Variants in HMCN1 observed in about 807,000 individuals in gnomAD.
HMCN1 encodes the protein hemicentin-1.
In HMCN1, 321 loss-of-function variants were observed where a neutral mutation model predicts 625.9. That is an observed-to-expected ratio of 0.51 (90% CI 0.47 to 0.56). HMCN1 has a LOEUF of 0.56. Ranked by LOEUF, HMCN1 falls within the 20% of genes least tolerant of loss-of-function variation. The pLI is 0.00. For synonymous variants in HMCN1, 2,425 were observed against 2,417.6 expected, an observed-to-expected ratio of 1.00 and a Z score of -0.09; for missense variants, 6,588 against 6,887.3, an observed-to-expected ratio of 0.96 and a Z score of 1.54.
At chr1:186,088,355 A>G (rs1659647334) in intron 62 of HMCN1, 79 bp downstream of exon 62, 3 of 1,601,392 alleles carry the variant, frequency 1.9e-6, no homozygotes, top group African/African-American at 2.7e-5. Context: ...AAACTAGCAC[A>G]TTTTAAGTAC....
Position 186,182,296 on chromosome 1 carries a change from A to G in HMCN1, c.16414+9A>G. ...TGGAAAGACATGCCAAGGTGAGAAAACATTGGGATGTTTATTGTTGCAAAC... is the reference window on the plus strand; with the variant it reads ...TGGAAAGACATGCCAAGGTGAGAAAGCATTGGGATGTTTATTGTTGCAAAC... On this transcript the variant is annotated intron_variant, in intron 105 of 106. Coordinates refer to ENST00000271588, the MANE Select transcript of HMCN1 (RefSeq NM_031935.3). The G allele has an allele frequency of 1.9e-6, 3 of 1,613,162 alleles. No homozygotes were observed. The highest frequency in any genetic ancestry group is 1.7e-6 in the Non-Finnish European group (2 of 1,179,276).
chr1:186,180,668 C>T (rs1652877277), intron 104 of HMCN1, among the ~76,000 whole-genome samples: 1 of 152,196 alleles, frequency 6.6e-6, no homozygotes, highest in South Asian at 2.1e-4. Context: ...CTTCCTCAGA[C>T]AGTCATCTGC....
At chr1:185,951,487 C>T (rs755630214) in intron 11 of HMCN1, among the ~76,000 whole-genome samples, 2,117 of 144,582 alleles carry the variant, frequency 0.015, 3 homozygotes, top group African/African-American at 0.051. Context: ...TTAACTTCCA[C>T]TGTGAGAGTT....
rs780304788 is a variant in HMCN1, at chr1:186,061,306, G to T, written c.7313-545G>T. On this transcript the variant is annotated intron_variant, in intron 46 of 106. Transcript: ENST00000271588. ...GCACCTTCTTCACAAGGCGGCAGAA[G>T]AGAGAGTATGTGAAGGAAGACCTGT... 1.5e-4 allele frequency among the ~76,000 whole-genome samples: 23 copies of T among 152,274 alleles called. 1 individual carries two copies. The highest frequency in any genetic ancestry group is 3.4e-3 in the Middle Eastern group (1 of 294).
Position 186,177,035 on chromosome 1 carries a change from T to G in HMCN1, c.15944-1381T>G, listed in dbSNP as rs1191028268. The G allele has an allele frequency of 2.6e-4, 37 of 145,080 alleles. 1 individual carries two copies. Among genetic ancestry groups the G allele is most frequent in the East Asian group, 1.2e-3 (6 of 5,056 alleles). The allele number at this position is 145,080 out of a possible 1,614,324, so 9.0% of individuals were successfully genotyped here. Reference sequence around the variant, plus strand: ...TACAAAAAAGATTAGCTGGGCGTGGTGGGACACACCTGTAATCCCAGCACT... The same window carrying G: ...TACAAAAAAGATTAGCTGGGCGTGGGGGGACACACCTGTAATCCCAGCACT... On this transcript the variant is annotated intron_variant, in intron 103 of 106. Transcript: ENST00000271588.
In HMCN1 at chr1:185,779,823, A is replaced by G. The variant is rs1276945092; in HGVS notation, c.268+44776A>G. On this transcript the variant is annotated intron_variant, in intron 1 of 106. Transcript: ENST00000271588. ...TCTTTTGGTTTAGGATTGTCTTGGCAATGCAGGCTCTTTTTTGGTTCCATA... is the reference window on the plus strand; with the variant it reads ...TCTTTTGGTTTAGGATTGTCTTGGCGATGCAGGCTCTTTTTTGGTTCCATA... 7.9e-5 allele frequency among the ~76,000 whole-genome samples: 12 copies of G among 152,262 alleles called. No homozygotes were observed. The East Asian group carries it at 1.7e-3, about 22-fold the overall frequency.
Position 186,011,543 on chromosome 1 carries a change from G to T in HMCN1, c.4631-3616G>T, listed in dbSNP as rs115536035. ...GCCAATTAATAAATTCTAGGTGAAG[G>T]TTAGGTGGAAAGCCCTCACTTTCAA... On this transcript the variant is annotated intron_variant, in intron 30 of 106. Transcript: ENST00000271588. Among the ~76,000 whole-genome samples, 1,485 of 152,268 alleles carry T rather than the reference G, an allele frequency of 9.8e-3. 30 individuals carry two copies. Among genetic ancestry groups the T allele is most frequent in the African/African-American group, 0.034 (1,398 of 41,532 alleles).
At chr1:186,168,919 C>T (rs567689334) in intron 100 of HMCN1, among the ~76,000 whole-genome samples, 47 of 152,114 alleles carry the variant, frequency 3.1e-4, no homozygotes, top group Non-Finnish European at 5.4e-4. Flanking sequence ...CCCTAACCCC[C>T]GCCCAATCCC....
chr1:185,809,024 T>A (rs1659345283), intron 1 of HMCN1, among the ~76,000 whole-genome samples: 1 of 152,194 alleles, frequency 6.6e-6, no homozygotes, highest in African/African-American at 2.4e-5. Context: ...AATGGGTAAT[T>A]ACCTTTGGTC....
In HMCN1 at chr1:186,120,033, T is replaced by G. The variant is rs775982845; in HGVS notation, c.12117T>G (p.Pro4039=). 7.4e-6 allele frequency: 12 copies of G among 1,614,096 alleles called. No homozygotes were observed. In the South Asian group the frequency reaches 1.3e-4, roughly 18 times the overall value. ...TAGGCAGAAACCATGCAGTTCTTCC[T>G]AGTGGCGGCTTACAGATCTCCAGAG... ...NTSGRNHAVL[P]SGGLQISRAV... is the part of the protein sequence containing the mutation. Residue 4039 remains proline (P), a synonymous_variant, in exon 80 of 107, where the codon CCT becomes CCG. Coordinates refer to ENST00000271588, the MANE Select transcript of HMCN1 (RefSeq NM_031935.3).
chr1:186,143,900 A>G (rs1650122213), intron 89 of HMCN1, among the ~76,000 whole-genome samples: 1 of 152,258 alleles, frequency 6.6e-6, no homozygotes, highest in African/African-American at 2.4e-5. Context: ...TAGTTTGAGT[A>G]AATTTAATTG....
chr1:186,008,149 C>T (rs569275105), intron 30 of HMCN1, among the ~76,000 whole-genome samples: 10 of 152,214 alleles, frequency 6.6e-5, no homozygotes, highest in African/African-American at 1.9e-4. Flanking sequence ...GGAATTTAAA[C>T]TTGATAAGAG....
At chr1:185,917,751 C>T (rs777942137) in intron 6 of HMCN1, among the ~76,000 whole-genome samples, 1 of 152,170 alleles carries the variant, frequency 6.6e-6, no homozygotes, top group African/African-American at 2.4e-5. Context: ...ATTTAACAGG[C>T]CTTCTTCGCC....
At chr1:185,949,714 T>C (rs1668541496) in intron 11 of HMCN1, among the ~76,000 whole-genome samples, 1 of 151,888 alleles carries the variant, frequency 6.6e-6, no homozygotes, top group African/African-American at 2.4e-5. Flanking sequence ...TCTCAGACCC[T>C]GTAGGAAAGG....
chr1:185,857,813 T>C (rs73054422), intron 2 of HMCN1, among the ~76,000 whole-genome samples: 104 of 152,258 alleles, frequency 6.8e-4, no homozygotes, highest in African/African-American at 2.5e-3. Context: ...ATGGAACACC[T>C]ACTAAGTACT....
intron 9 of HMCN1, among the ~76,000 whole-genome samples, chr1:185,925,434 CAT>C (rs1051164799): frequency 7.2e-5 from 11 of 152,208 alleles, no homozygotes; most frequent in East Asian, 3.9e-4. Flanking sequence ...AATGTTGACT[CAT>C]GTGTTATAGA....
Position 185,974,769 on chromosome 1 carries a change from T to G in HMCN1, c.2372-3018T>G, listed in dbSNP as rs150964534. Among the ~76,000 whole-genome samples the G allele has an allele frequency of 3.3e-5, 5 of 152,310 alleles. No individual in the cohort carries two copies. The East Asian group carries it at 9.6e-4, about 29-fold the overall frequency. On this transcript the variant is annotated intron_variant, in intron 15 of 106. Transcript: ENST00000271588. ...GCCTGGTATTCTCATTTGCCTTGTT[T>G]TGTGATACCAGTACATATATTCTTT...
At chr1:185,941,522 C>A (rs1468138815) in intron 11 of HMCN1, among the ~76,000 whole-genome samples, 2 of 152,104 alleles carry the variant, frequency 1.3e-5, no homozygotes, top group Non-Finnish European at 2.9e-5. Context: ...CCTTTAAATT[C>A]TTTCTGAACC....
At chr1:185,996,817 C>T (rs1473677083) in intron 24 of HMCN1, among the ~76,000 whole-genome samples, 1 of 152,104 alleles carries the variant, frequency 6.6e-6, no homozygotes, top group Non-Finnish European at 1.5e-5. Flanking sequence ...TGTTCAGAGA[C>T]ATGGGATGCA....
Sources: gnomAD v4.1 joint callset for allele counts (sites outside exome capture counted in the v4.1 genomes callset) on GRCh38, gnomAD v4.1.1 for gene constraint, MANE v1.5 for transcripts, NCBI Gene and HGNC (gene_info 2026-07-23, HGNC 2026-07-21) for gene names.